The following SLAIN2 variants were observed in gnomAD, a reference collection of about 807,000 sequenced individuals.
SLAIN2 encodes the protein SLAIN family member 2, also known as SLAIN motif-containing protein 2.
Under a neutral mutation model 56.6 loss-of-function variants are expected in SLAIN2, and 31 were observed. The ratio of observed to expected loss-of-function variants is 0.55; its 90% CI spans 0.41 to 0.74. The LOEUF (loss-of-function observed/expected upper bound fraction) is 0.74, where lower values mean the gene tolerates loss of function less well. Ranked by LOEUF, SLAIN2 falls within the 30% of genes least tolerant of loss-of-function variation. The pLI, the probability that SLAIN2 is intolerant of heterozygous loss-of-function variation, is 0.00. For synonymous variants in SLAIN2, 317 were observed against 284.9 expected, an observed-to-expected ratio of 1.11 and a Z score of -1.13; for missense variants, 777 against 754.2, an observed-to-expected ratio of 1.03 and a Z score of -0.35.
Position 48,423,791 on chromosome 4 carries a change from A to G in SLAIN2, c.*1714A>G, listed in dbSNP as rs1205099194. ...AACTTTATCCTTGAATTTGAGGGTG[A>G]TGGGGTGGGTCAGGAAAGGATGGCG... On this transcript the variant is annotated 3_prime_UTR_variant, in exon 8 of 8. Transcript: ENST00000264313. The G allele has an allele frequency of 6.6e-6, 1 of 152,118 alleles. No individual in the cohort carries two copies. Among genetic ancestry groups the G allele is most frequent in the African/African-American group, 2.4e-5 (1 of 41,436 alleles). The allele number at this position is 152,118 out of a possible 1,614,324, so 9.4% of individuals were successfully genotyped here. A position where few individuals can be genotyped will look rare whatever the true frequency, so the allele number is the denominator to read the frequency against.
At chr4:48,363,925 T>C (rs1373127988) in intron 1 of SLAIN2, among the ~76,000 whole-genome samples, 4 of 116,768 alleles carry the variant, frequency 3.4e-5, no homozygotes, top group Admixed American at 8.1e-5. Context: ...GGCGGGGGGC[T>C]GACCCCCCCA....
intron 5 of SLAIN2, among the ~76,000 whole-genome samples, chr4:48,383,181 A>G (rs1716015341): frequency 6.6e-6 from 1 of 151,806 alleles, no homozygotes. Context: ...AAAAAAAAAA[A>G]AAAAAAAAGT....
At chr4:48,373,434 G>A (rs1036072922) in intron 2 of SLAIN2, among the ~76,000 whole-genome samples, 2 of 151,816 alleles carry the variant, frequency 1.3e-5, no homozygotes, top group African/African-American at 4.8e-5. Flanking sequence ...CTGTTTATAT[G>A]GTGTCTAGTA....
At chr4:48,382,423 A>T in intron 4 of SLAIN2, 145 bp from the exon 5 acceptor site, 1 of 707,054 alleles carries the variant, frequency 1.4e-6, no homozygotes, top group East Asian at 3.0e-5. Context: ...ATATAAGCCT[A>T]TATAAGTCTA....
intron 6 of SLAIN2, among the ~76,000 whole-genome samples, chr4:48,390,846 C>T (rs1716221996): frequency 6.6e-6 from 1 of 152,212 alleles, no homozygotes; most frequent in East Asian, 1.9e-4. Context: ...AATCTGTCTA[C>T]TCTTACTTGA....
At chr4:48,386,769 G>T (rs1209050115) in intron 6 of SLAIN2, among the ~76,000 whole-genome samples, 1 of 152,076 alleles carries the variant, frequency 6.6e-6, no homozygotes, top group Non-Finnish European at 1.5e-5. Flanking sequence ...CTTTGAAATC[G>T]TGAGTGATAC....
intron 1 of SLAIN2, among the ~76,000 whole-genome samples, chr4:48,349,711 C>A (rs1168844222): frequency 6.6e-6 from 1 of 152,106 alleles, no homozygotes; most frequent in African/African-American, 2.4e-5. Context: ...ATGTGGGGAT[C>A]ATAATATAAC....
intron 2 of SLAIN2, among the ~76,000 whole-genome samples, chr4:48,370,795 T>C (rs1216535158): frequency 6.6e-6 from 1 of 152,220 alleles, no homozygotes; most frequent in Non-Finnish European, 1.5e-5. Context: ...TTAGTTTTGT[T>C]GTTGTTTTTC....
At chr4:48,381,235 T>C (rs1027503163) in intron 4 of SLAIN2, among the ~76,000 whole-genome samples, 2 of 152,174 alleles carry the variant, frequency 1.3e-5, no homozygotes, top group African/African-American at 4.8e-5. Context: ...TTGGTAACAA[T>C]AGAAATTTTA....
rs1339168878 is a variant in SLAIN2, at chr4:48,382,593, C to T, written c.888C>T (p.Thr296=). ...EESLRQEYAA[T]TSRRSSGSSC... The stretch of plus-strand genomic sequence containing the variant: ...GTCTCCGGCAAGAATATGCAGCCAC[C>T]ACGTCTCGGCGCAGTTCTGGTTCAT... The change falls in exon 5 of 8, where the codon ACC becomes ACT. Residue 296 remains threonine, a synonymous_variant. Coordinates refer to ENST00000264313, the MANE Select transcript of SLAIN2 (RefSeq NM_020846.2). The T allele has an allele frequency of 6.3e-7, 1 of 1,584,264 alleles. No individual in the cohort carries two copies. The highest frequency in any genetic ancestry group is 1.1e-5 in the South Asian group (1 of 88,298).
intron 7 of SLAIN2, 67 bp from the exon 8 acceptor site, chr4:48,421,944 G>T: frequency 1.6e-6 from 2 of 1,243,810 alleles, no homozygotes; most frequent in South Asian, 1.3e-5. Context: ...ATATATGTGT[G>T]AGATAGTATG....
Position 48,341,719 on chromosome 4 carries a change from G to C in SLAIN2, c.-21G>C. On this transcript the variant is annotated 5_prime_UTR_variant, in exon 1 of 8. Transcript: ENST00000264313. ...GCGAGAGCGAGCGGGCGGCGGAGGC[G>C]GCGGCGGCGGCGGGGCCGGGATGGA... 6.6e-7 allele frequency: 1 copy of C among 1,522,898 alleles called. No homozygotes were observed. The allele number at this position is 1,522,898 out of a possible 1,614,324, so 94.3% of individuals were successfully genotyped here. A position where few individuals can be genotyped will look rare whatever the true frequency, so the allele number is the denominator to read the frequency against.
At chr4:48,383,262 T>G (rs1716017266) in intron 5 of SLAIN2, among the ~76,000 whole-genome samples, 1 of 152,126 alleles carries the variant, frequency 6.6e-6, no homozygotes, top group Non-Finnish European at 1.5e-5. Flanking sequence ...TTTGCTAAGT[T>G]TTTGTATTTC....
At chr4:48,420,824 C>G (rs1278838643) in intron 7 of SLAIN2, among the ~76,000 whole-genome samples, 1 of 151,990 alleles carries the variant, frequency 6.6e-6, no homozygotes, top group African/African-American at 2.4e-5. Context: ...TTCTAGCTAC[C>G]AAGTCTGAGT....
intron 6 of SLAIN2, among the ~76,000 whole-genome samples, chr4:48,413,399 C>T (rs1355331672): frequency 1.3e-5 from 2 of 152,070 alleles, no homozygotes; most frequent in Non-Finnish European, 2.9e-5. Flanking sequence ...TTCCCTTATC[C>T]ATGAAGTGAG....
chr4:48,373,324 T>C lies in SLAIN2; in HGVS notation c.538+3327T>C, dbSNP rs370296494. On this transcript the variant is annotated intron_variant, in intron 2 of 7. Coordinates refer to ENST00000264313, the MANE Select transcript of SLAIN2 (RefSeq NM_020846.2). ...GAAATTCTGTACCCGTGTTAACCAA[T>C]AACTTCCCATTCCCTTTGCTTCCTC... Among the ~76,000 whole-genome samples, 5 of 152,160 alleles carry C rather than the reference T, an allele frequency of 3.3e-5. No individual in the cohort carries two copies. In the East Asian group the frequency reaches 7.7e-4, roughly 23 times the overall value.
In SLAIN2 at chr4:48,380,019, T is replaced by C. The variant is rs565291827; in HGVS notation, c.862+171T>C. The stretch of plus-strand genomic sequence containing the variant: ...ATGTACATGTTTATTCATCAACTTG[T>C]TTTCAGAGTCCATTTTTACATAGAG... On this transcript the variant is annotated intron_variant, in intron 4 of 7. Transcript: ENST00000264313. Among the ~76,000 whole-genome samples the C allele has an allele frequency of 3.3e-5, 5 of 152,210 alleles. No individual in the cohort carries two copies. In the South Asian group the frequency reaches 1.0e-3, roughly 32 times the overall value.
chr4:48,409,634 A>G (rs1291680894), intron 6 of SLAIN2, among the ~76,000 whole-genome samples: 1 of 152,186 alleles, frequency 6.6e-6, no homozygotes, highest in East Asian at 1.9e-4. Flanking sequence ...CTGTAATCCC[A>G]GCACTTTGGG....
intron 6 of SLAIN2, among the ~76,000 whole-genome samples, chr4:48,396,324 TATTTAA>T (rs1381229898): frequency 4.6e-5 from 7 of 152,182 alleles, no homozygotes; most frequent in Admixed American, 3.9e-4. Flanking sequence ...ATCCCTTACT[TATTTAA>T]ATTGATCCAG....
Sources: gnomAD v4.1 joint callset for allele counts (sites outside exome capture counted in the v4.1 genomes callset) on GRCh38, gnomAD v4.1.1 for gene constraint, MANE v1.5 for transcripts, NCBI Gene and HGNC (gene_info 2026-07-23, HGNC 2026-07-21) for gene names.